Variants in STX19 observed in about 807,000 individuals in gnomAD.
STX19 encodes the protein syntaxin-19.
In STX19, 26 loss-of-function variants were observed where a neutral mutation model predicts 24.3. The ratio of observed to expected loss-of-function variants is 1.07; its 90% CI spans 0.78 to 1.48. STX19 has a LOEUF of 1.48. Among genes scored for constraint, STX19 ranks in the 40% most tolerant of loss-of-function variants. The pLI, the probability that STX19 is intolerant of heterozygous loss-of-function variation, is 0.00. For missense variants in STX19, 367 were observed against 331.9 expected (o/e 1.11, Z -0.82); for synonymous variants, 116 against 106.9 (o/e 1.09, Z -0.52).
chr3:94,020,700 A>G (rs2076429237), intron 1 of STX19, among the ~76,000 whole-genome samples: 1 of 152,200 alleles, frequency 6.6e-6, no homozygotes, highest in Admixed American at 6.5e-5. Flanking sequence ...CCACATGACT[A>G]TATTGCTGAG....
rs545333312 is a variant in STX19 at position 94,015,976 on chromosome 3, G to A, written c.-13-694C>T. Among the ~76,000 whole-genome samples the A allele has an allele frequency of 4.6e-5, 7 of 152,096 alleles. No individual in the cohort carries two copies. In the East Asian group the frequency reaches 1.2e-3, roughly 25 times the overall value. Reference sequence around the variant, plus strand: ...CAAAATTTATATCAATTTGTGTTAGGTGATACTTTTATAAACATGAGAATA... The same window carrying A: ...CAAAATTTATATCAATTTGTGTTAGATGATACTTTTATAAACATGAGAATA... On this transcript the variant is annotated intron_variant, in intron 1 of 1. Transcript: ENST00000315099.
chr3:94,015,325 T>A (rs2076308866), intron 1 of STX19, 43 bp from the exon 2 acceptor site: 3 of 1,451,612 alleles, frequency 2.1e-6, no homozygotes, highest in Admixed American at 2.5e-5. Flanking sequence ...AGAAATTTGG[T>A]ATTTTTCCCC....
chr3:94,019,775 C>G (rs1187807325), intron 1 of STX19, among the ~76,000 whole-genome samples: 1 of 152,190 alleles, frequency 6.6e-6, no homozygotes, highest in African/African-American at 2.4e-5. Context: ...TACAACTCTC[C>G]CTTTCTCTGC....
Position 94,014,419 on chromosome 3 carries a change from C to A in STX19, c.851G>T (p.Cys284Phe). 1.3e-6 allele frequency: 2 copies of A among 1,574,494 alleles called. No individual in the cohort carries two copies. The change falls in exon 2 of 2, where the codon TGT becomes TTT. Residue 284 changes from cysteine to phenylalanine, a missense_variant. Transcript: ENST00000315099. The stretch of plus-strand genomic sequence containing the variant: ...GCTACAGCATGGACAGCACCAACAA[C>A]ACAGTACTCTGCAAGGATTTCTTTT... The part of the protein sequence containing the change: ...YKKRNPCRVL[C>F]CWCCPCCSSK
intron 1 of STX19, among the ~76,000 whole-genome samples, chr3:94,019,055 C>T (rs908396330): frequency 2.6e-5 from 4 of 152,168 alleles, no homozygotes; most frequent in Admixed American, 6.5e-5. Context: ...TGTGAGCCAC[C>T]GCGCCTGGCT....
intron 1 of STX19, among the ~76,000 whole-genome samples, chr3:94,020,083 C>A (rs1187748806): frequency 2.0e-5 from 3 of 152,176 alleles, no homozygotes; most frequent in Admixed American, 1.3e-4. Flanking sequence ...TGTCTACTTT[C>A]TCCTCCCAGT....
rs2076302058 is a variant in STX19, at chr3:94,015,081, A to C, written c.189T>G (p.Asn63Lys). Reference sequence around the variant, plus strand: ...CAAATTTTTGAACATTATCTGCCAAATTGTTAATACTTTCCTGTAGTTTTT... The same window carrying C: ...CAAATTTTTGAACATTATCTGCCAACTTGTTAATACTTTCCTGTAGTTTTT... The part of the protein sequence containing the change: ...EIQKLQESIN[N>K]LADNVQKFGQ... Residue 63 changes from asparagine (N) to lysine (K), a missense_variant, in exon 2 of 2, where the codon AAT becomes AAG. Asn to Lys is a moderately conservative substitution (Grantham distance 94, BLOSUM62 0). Transcript: ENST00000315099. The C allele has an allele frequency of 6.2e-7, 1 of 1,613,844 alleles. No individual in the cohort carries two copies. Among genetic ancestry groups the C allele is most frequent in the Non-Finnish European group, 8.5e-7 (1 of 1,179,944 alleles).
intron 1 of STX19, among the ~76,000 whole-genome samples, chr3:94,017,847 A>G (rs1219009382): frequency 6.6e-6 from 1 of 152,152 alleles, no homozygotes; most frequent in Non-Finnish European, 1.5e-5. Flanking sequence ...TTAGGAACAG[A>G]GTTATTGCAT....
At chr3:94,021,349 C>T (rs1378572633) in intron 1 of STX19, among the ~76,000 whole-genome samples, 3 of 151,896 alleles carry the variant, frequency 2.0e-5, no homozygotes, top group Admixed American at 6.6e-5. Flanking sequence ...TGCCCATCAC[C>T]ATGCCCAGAT....
In STX19 at chr3:94,020,475, C is replaced by T. The variant is rs796623827; in HGVS notation, c.-13-5193G>A. Among the ~76,000 whole-genome samples, 6 of 152,188 alleles carry T rather than the reference C, an allele frequency of 3.9e-5. No individual in the cohort carries two copies. In the East Asian group the frequency reaches 9.7e-4, roughly 24 times the overall value. On this transcript the variant is annotated intron_variant, in intron 1 of 1. Transcript: ENST00000315099. Reference sequence around the variant, plus strand: ...AGCATACTAGAGCATAGTAACTTCACTATGACATAGCATAGCTTTACTATG... The same window carrying T: ...AGCATACTAGAGCATAGTAACTTCATTATGACATAGCATAGCTTTACTATG...
chr3:94,020,315 A>T (rs2076421031), intron 1 of STX19, among the ~76,000 whole-genome samples: 1 of 152,202 alleles, frequency 6.6e-6, no homozygotes, highest in Admixed American at 6.5e-5. Context: ...AAGTATTGTC[A>T]TGATCTCTAT....
intron 1 of STX19, among the ~76,000 whole-genome samples, chr3:94,023,218 G>A (rs760021911): frequency 7.9e-5 from 12 of 152,004 alleles, no homozygotes; most frequent in Non-Finnish European, 1.3e-4. Flanking sequence ...GTGGATATAA[G>A]TTTCAGTTGG....
At chr3:94,021,442 G>T (rs761274200) in intron 1 of STX19, among the ~76,000 whole-genome samples, 1 of 151,940 alleles carries the variant, frequency 6.6e-6, no homozygotes, top group African/African-American at 2.4e-5. Context: ...TGATCTGCCC[G>T]CCTCAGCCTC....
chr3:94,021,947 G>A (rs1309792717), intron 1 of STX19, among the ~76,000 whole-genome samples: 1 of 151,774 alleles, frequency 6.6e-6, no homozygotes, highest in Non-Finnish European at 1.5e-5. Context: ...TCATGTCAAG[G>A]CTTCTAAAGA....
In STX19 at chr3:94,014,759, C is replaced by G. The variant is rs750438376; in HGVS notation, c.511G>C (p.Glu171Gln). Reference sequence around the variant, plus strand: ...TCAGACATCTCTTTTCCAGCAACTTCAAGCTGACGTAAAATAAATGTCTTG... The same window carrying G: ...TCAGACATCTCTTTTCCAGCAACTTGAAGCTGACGTAAAATAAATGTCTTG... ...KCKTFILRQL[E>Q]VAGKEMSEED... The change falls in exon 2 of 2, where the codon GAA (glutamate) becomes CAA (glutamine). Residue 171 changes from glutamate (E) to glutamine (Q), a missense_variant. Glu to Gln is a conservative substitution (Grantham distance 29). Coordinates refer to ENST00000315099, the MANE Select transcript of STX19 (RefSeq NM_001001850.3). 1 of 1,613,536 alleles carries G rather than the reference C, an allele frequency of 6.2e-7. No homozygotes were observed. The highest frequency in any genetic ancestry group is 8.5e-7 in the Non-Finnish European group (1 of 1,179,820).
chr3:94,022,784 A>T (rs2076475357), intron 1 of STX19, among the ~76,000 whole-genome samples: 1 of 152,100 alleles, frequency 6.6e-6, no homozygotes, highest in South Asian at 2.1e-4. Context: ...TTTTTCACAA[A>T]GTAAATACAT....
chr3:94,014,521 A>G lies in STX19; in HGVS notation c.749T>C (p.Ile250Thr), dbSNP rs2076286333. The change falls in exon 2 of 2, where the codon ATT (isoleucine) becomes ACT (threonine). Residue 250 changes from isoleucine (I) to threonine (T), a missense_variant. By Grantham distance (89) the Ile-to-Thr change is moderately conservative (BLOSUM62 -1). Transcript: ENST00000315099. Reference protein sequence around the residue: ...VEEQGESINNIEMTVNSTKEY... With the variant: ...VEEQGESINNTEMTVNSTKEY... ...TTTTGTACTATTCACTGTCATTTCA[A>G]TATTGTTGATGCTCTCTCCTTGTTC... 5 of 1,612,586 alleles carry G rather than the reference A, an allele frequency of 3.1e-6. No individual in the cohort carries two copies. The highest frequency in any genetic ancestry group is 2.7e-5 in the African/African-American group (2 of 74,854).
chr3:94,027,690 A>T (rs957756435), intron 1 of STX19, among the ~76,000 whole-genome samples: 1 of 152,064 alleles, frequency 6.6e-6, no homozygotes, highest in Non-Finnish European at 1.5e-5. Context: ...TATCTAACCT[A>T]TCTACATATG....
intron 1 of STX19, among the ~76,000 whole-genome samples, chr3:94,026,390 T>C (rs992516413): frequency 6.6e-6 from 1 of 152,218 alleles, no homozygotes; most frequent in Admixed American, 6.5e-5. Context: ...CTTATCTTTA[T>C]AGAATTAACA....
Sources: gnomAD v4.1 joint callset for allele counts (sites outside exome capture counted in the v4.1 genomes callset) on GRCh38, gnomAD v4.1.1 for gene constraint, MANE v1.5 for transcripts, NCBI Gene and HGNC (gene_info 2026-07-23, HGNC 2026-07-21) for gene names.